Variants in RNF111 observed in about 807,000 individuals in gnomAD.
The protein encoded by RNF111 is E3 ubiquitin-protein ligase Arkadia.
In RNF111, 17 loss-of-function variants were observed where a neutral mutation model predicts 95.1. The observed-to-expected ratio is 0.18, with a 90% CI of 0.12 to 0.27. RNF111 has a LOEUF of 0.27. RNF111 is among the 10% of genes least tolerant of loss of function. The probability of loss-of-function intolerance (pLI) is 1.00; values close to 1 mark genes in which losing one functional copy is unlikely to be tolerated. For missense variants in RNF111, 1,189 were observed against 1,210.4 expected (o/e 0.98, Z 0.26); for synonymous variants, 440 against 414.8 (o/e 1.06, Z -0.74).
intron 1 of RNF111, among the ~76,000 whole-genome samples, chr15:59,016,019 T>G (rs1437763020): frequency 6.6e-6 from 1 of 151,674 alleles, no homozygotes; most frequent in Non-Finnish European, 1.5e-5. Context: ...CCTAGATAAC[T>G]TTTGTATTTT....
chr15:59,089,544 T>C (rs1225831394), intron 10 of RNF111, 123 bp from the exon 11 acceptor site: 14 of 738,334 alleles, frequency 1.9e-5, no homozygotes, highest in South Asian at 3.2e-5. Flanking sequence ...TGTATTCTTA[T>C]TGAAGTCAAA....
chr15:59,047,554 A>G (rs183892298), intron 2 of RNF111, among the ~76,000 whole-genome samples: 7 of 152,086 alleles, frequency 4.6e-5, no homozygotes, highest in East Asian at 1.9e-4. Context: ...GCTCAGCACC[A>G]TTAGTTATTT....
intron 1 of RNF111, among the ~76,000 whole-genome samples, chr15:59,022,006 C>T (rs1393444143): frequency 1.3e-5 from 2 of 151,702 alleles, no homozygotes; most frequent in Non-Finnish European, 2.9e-5. Flanking sequence ...ACTACAGGCG[C>T]GTGCCACCAT....
At chr15:59,055,076 C>T (rs2042149413) in intron 3 of RNF111, among the ~76,000 whole-genome samples, 1 of 152,170 alleles carries the variant, frequency 6.6e-6, no homozygotes, top group Non-Finnish European at 1.5e-5. Context: ...GTTTAGGGTT[C>T]ACAGTCACGT....
chr15:59,025,642 ATAGT>A (rs1424881525), intron 1 of RNF111, among the ~76,000 whole-genome samples: 4 of 152,166 alleles, frequency 2.6e-5, no homozygotes, highest in Admixed American at 1.3e-4. Flanking sequence ...TATTAAAAAG[ATAGT>A]TAAATGGTAG....
chr15:59,021,087 A>G (rs1353747017), intron 1 of RNF111, among the ~76,000 whole-genome samples: 2 of 152,012 alleles, frequency 1.3e-5, no homozygotes, highest in African/African-American at 2.4e-5. Flanking sequence ...CTTTCCCCCA[A>G]AGTCCTTTGT....
chr15:58,992,638 C>T (rs749828359), intron 1 of RNF111, among the ~76,000 whole-genome samples: 4 of 151,620 alleles, frequency 2.6e-5, no homozygotes, highest in African/African-American at 7.3e-5. Context: ...GGCAATGTGA[C>T]GAAATTCTGG....
chr15:59,076,920 A>C (rs973211416), intron 7 of RNF111, among the ~76,000 whole-genome samples: 33 of 152,196 alleles, frequency 2.2e-4, no homozygotes, highest in Non-Finnish European at 1.9e-4. Flanking sequence ...TTTTGTTTTG[A>C]TTACATGGCA....
chr15:59,060,785 C>CATTATTATT (rs3052989), intron 5 of RNF111, among the ~76,000 whole-genome samples: 4 of 146,758 alleles, frequency 2.7e-5, no homozygotes, highest in African/African-American at 5.1e-5. Flanking sequence ...CTTTATGTAG[C>CATTATTATT]ATTATTATTA....
Position 59,037,001 on chromosome 15 carries a change from T to A in RNF111, c.880+5299T>A, listed in dbSNP as rs78004728. 1.8e-4 allele frequency among the ~76,000 whole-genome samples: 25 copies of A among 141,318 alleles called. No homozygotes were observed. The Admixed American group carries it at 1.8e-3, about 10-fold the overall frequency. The allele number at this position is 141,318 out of a possible 152,430, so 92.7% of individuals were successfully genotyped here. On this transcript the variant is annotated intron_variant, in intron 2 of 13. Transcript: ENST00000348370. ...GGTGTGTGCAACTACAGTTGACTAA[T>A]TTTTTTTTTTTTTTTGGTAGAGACA...
At chr15:59,092,165 T>C (rs1304073811) in intron 12 of RNF111, among the ~76,000 whole-genome samples, 1 of 152,242 alleles carries the variant, frequency 6.6e-6, no homozygotes, top group African/African-American at 2.4e-5. Flanking sequence ...CTGTAACTAA[T>C]GTTAATTTAA....
At chr15:59,050,728 C>G (rs966223604) in intron 2 of RNF111, among the ~76,000 whole-genome samples, 6 of 152,162 alleles carry the variant, frequency 3.9e-5, no homozygotes, top group Non-Finnish European at 8.8e-5. Context: ...AATCCATCAC[C>G]TCCAAAAATT....
At chr15:59,071,667 C>A (rs901344851) in intron 6 of RNF111, among the ~76,000 whole-genome samples, 8 of 151,354 alleles carry the variant, frequency 5.3e-5, no homozygotes, top group Admixed American at 2.0e-4. Context: ...TGCACTCCAG[C>A]CTGGGTAACA....
At chr15:58,994,582 A>G (rs2141379454) in intron 1 of RNF111, among the ~76,000 whole-genome samples, 1 of 142,362 alleles carries the variant, frequency 7.0e-6, no homozygotes, top group Non-Finnish European at 1.5e-5. Flanking sequence ...GGTTCAAGCG[A>G]TTCTCCTACC....
chr15:59,024,909 A>G lies in RNF111; in HGVS notation c.-19-5895A>G, dbSNP rs187570038. On this transcript the variant is annotated intron_variant, in intron 1 of 13. Transcript: ENST00000348370. ...TTGACTACTCTGGGTAATTCATATAAGTGGAATCATACAATATTTGTCTTG... is the reference window on the plus strand; with the variant it reads ...TTGACTACTCTGGGTAATTCATATAGGTGGAATCATACAATATTTGTCTTG... Among the ~76,000 whole-genome samples the G allele has an allele frequency of 3.8e-3, 584 of 152,332 alleles. 8 individuals carry two copies. Among genetic ancestry groups the G allele is most frequent in the African/African-American group, 0.013 (558 of 41,570 alleles).
chr15:59,064,832 G>A (rs1008594201), intron 5 of RNF111, among the ~76,000 whole-genome samples: 3 of 151,888 alleles, frequency 2.0e-5, no homozygotes, highest in African/African-American at 7.3e-5. Context: ...ATGAGAATCC[G>A]GAAAGGCAGG....
intron 2 of RNF111, among the ~76,000 whole-genome samples, chr15:59,051,771 C>CAATAAATAAATA (rs56358103): frequency 2.7e-5 from 4 of 149,794 alleles, no homozygotes; most frequent in Non-Finnish European, 4.4e-5. Flanking sequence ...GAAACTGTCT[C>CAATAAATAAATA]AATAAATAAA....
At chr15:59,027,173 G>A (rs1160388170) in intron 1 of RNF111, among the ~76,000 whole-genome samples, 2 of 152,150 alleles carry the variant, frequency 1.3e-5, no homozygotes, top group African/African-American at 4.8e-5. Flanking sequence ...TGAGGACTTA[G>A]TAATTACGGA....
chr15:59,053,650 T>C (rs538162846), intron 3 of RNF111, among the ~76,000 whole-genome samples: 1 of 152,202 alleles, frequency 6.6e-6, no homozygotes, highest in South Asian at 2.1e-4. Context: ...ACCAGTGTTA[T>C]GTACCACACC....
Sources: gnomAD v4.1 joint callset for allele counts (sites outside exome capture counted in the v4.1 genomes callset) on GRCh38, gnomAD v4.1.1 for gene constraint, MANE v1.5 for transcripts, NCBI Gene and HGNC (gene_info 2026-07-23, HGNC 2026-07-21) for gene names.